SFSWAP: variants seen among roughly 807,000 people sequenced by gnomAD.
SFSWAP encodes the protein splicing factor, suppressor of white-apricot homolog.
SFSWAP carries 17 observed loss-of-function variants against 100.7 expected under a neutral mutation model. That is an observed-to-expected ratio of 0.17 (90% CI 0.12 to 0.25). SFSWAP has a LOEUF of 0.25. Among genes scored for constraint, SFSWAP ranks in the 10% least tolerant of loss-of-function variants. The probability of loss-of-function intolerance (pLI) is 1.00; values close to 1 mark genes in which losing one functional copy is unlikely to be tolerated. For missense variants in SFSWAP, 1,005 were observed against 1,262.6 expected (o/e 0.80, Z 3.09); for synonymous variants, 504 against 510.1 (o/e 0.99, Z 0.16).
At chr12:131,765,012 G>A (rs1054912615) in intron 12 of SFSWAP, among the ~76,000 whole-genome samples, 3 of 152,334 alleles carry the variant, frequency 2.0e-5, no homozygotes, top group East Asian at 3.9e-4. Flanking sequence ...AGGGTAAAAG[G>A]CTCAGCCTGT....
rs553679881 is a variant in SFSWAP, at chr12:131,732,083, T to C, written c.1081+3655T>C. ...CGTCACCACGCCTGGCTAATTTTTGTATTTTTAGTAGAGACGGGGTTTCAC... is the reference window on the plus strand; with the variant it reads ...CGTCACCACGCCTGGCTAATTTTTGCATTTTTAGTAGAGACGGGGTTTCAC... On this transcript the variant is annotated intron_variant, in intron 7 of 17. Transcript: ENST00000261674. Among the ~76,000 whole-genome samples the C allele has an allele frequency of 1.6e-4, 25 of 152,056 alleles. 1 individual carries two copies. The East Asian group carries it at 4.5e-3, about 27-fold the overall frequency.
chr12:131,760,713 A>G (rs1157744935), intron 11 of SFSWAP, among the ~76,000 whole-genome samples: 1 of 152,222 alleles, frequency 6.6e-6, no homozygotes, highest in African/African-American at 2.4e-5. Context: ...TGACATGTCC[A>G]TACTACTTAT....
chr12:131,731,192 G>T (rs963067628), intron 7 of SFSWAP, among the ~76,000 whole-genome samples: 2 of 152,178 alleles, frequency 1.3e-5, no homozygotes, highest in African/African-American at 4.8e-5. Flanking sequence ...GTACTCAGGC[G>T]CTCAGCCTTA....
At chr12:131,759,154 T>C (rs1232324560) in intron 11 of SFSWAP, among the ~76,000 whole-genome samples, 8 of 152,222 alleles carry the variant, frequency 5.3e-5, no homozygotes, top group African/African-American at 1.9e-4. Flanking sequence ...TGAGAACATA[T>C]ATTATTTTAA....
intron 13 of SFSWAP, among the ~76,000 whole-genome samples, 200 bp from the exon 14 acceptor site, chr12:131,777,865 G>A (rs1197436687): frequency 1.3e-5 from 2 of 152,114 alleles, no homozygotes; most frequent in Non-Finnish European, 1.5e-5. Context: ...GGAAATGCTC[G>A]GGAACCAGAG....
rs1282887621 is a variant in SFSWAP at position 131,714,881 on chromosome 12, G to A, written c.448G>A (p.Gly150Arg). Residue 150 changes from glycine (G) to arginine (R), a missense_variant, in exon 3 of 18, where the codon GGG becomes AGG. Around this residue, in one of 7 missense-constraint regions of SFSWAP, gnomAD observed 237 missense variants for 337.0 expected, o/e 0.70. Transcript: ENST00000261674. The surrounding 1 kb of genome is among the most constrained non-coding windows in gnomAD (Gnocchi z 6.0). The stretch of plus-strand genomic sequence containing the variant: ...AGAGGATGGGAGCTACAATGCCGTG[G>A]GGTTCACTTACGGTAGCGACTATTA... ...LAEDGSYNAV[G>R]FTYGSDYYDP... The A allele has an allele frequency of 6.2e-7, 1 of 1,614,096 alleles. No homozygotes were observed. The highest frequency in any genetic ancestry group is 8.5e-7 in the Non-Finnish European group (1 of 1,179,960).
intron 13 of SFSWAP, 109 bp downstream of exon 13, chr12:131,766,417 A>G: frequency 1.1e-6 from 1 of 950,356 alleles, no homozygotes; most frequent in South Asian, 1.5e-5. Flanking sequence ...GAGGGATATG[A>G]GCTCCCAGCT....
At chr12:131,769,977 G>A (rs1305099976) in intron 13 of SFSWAP, among the ~76,000 whole-genome samples, 1 of 152,170 alleles carries the variant, frequency 6.6e-6, no homozygotes, top group Non-Finnish European at 1.5e-5. Context: ...ATATGTGTGT[G>A]TCTGTGTATG....
chr12:131,794,762 G>A lies in SFSWAP; in HGVS notation c.2535-2416G>A, dbSNP rs772152170. 6.6e-6 allele frequency among the ~76,000 whole-genome samples: 1 copy of A among 152,208 alleles called. No individual in the cohort carries two copies. ...GTGTCAGGGTGTGCGCACTTGCCAA[G>A]CTCAGCGGCAGCACCGAGGACAGCG... On this transcript the variant is annotated intron_variant, in intron 15 of 17. Transcript: ENST00000261674. The surrounding 1 kb of genome is among the most constrained non-coding windows in gnomAD (Gnocchi z 4.8).
At chr12:131,757,041 A>G in intron 11 of SFSWAP, 1 of 165,562 alleles carries the variant, frequency 6.0e-6, no homozygotes, top group East Asian at 1.8e-4. Context: ...TACTTCACTC[A>G]CTCGATTTCA....
intron 4 of SFSWAP, among the ~76,000 whole-genome samples, chr12:131,723,938 T>G (rs931390602): frequency 6.6e-6 from 1 of 152,266 alleles, no homozygotes; most frequent in South Asian, 2.1e-4. Flanking sequence ...CATATTTATA[T>G]GTTGACTGTA....
At chr12:131,798,068 C>T (rs1211430858) in intron 16 of SFSWAP, among the ~76,000 whole-genome samples, 1 of 152,178 alleles carries the variant, frequency 6.6e-6, no homozygotes, top group African/African-American at 2.4e-5. Flanking sequence ...AGGCTGGGCG[C>T]CGTGGCTCAT....
At chr12:131,737,989 A>G (rs1295192833) in intron 7 of SFSWAP, among the ~76,000 whole-genome samples, 2 of 152,164 alleles carry the variant, frequency 1.3e-5, no homozygotes, top group Non-Finnish European at 1.5e-5. Flanking sequence ...AAGAGTATAA[A>G]TAAATAAAAG....
chr12:131,718,445 T>G (rs1878137502), intron 3 of SFSWAP, among the ~76,000 whole-genome samples: 1 of 152,210 alleles, frequency 6.6e-6, no homozygotes, highest in African/African-American at 2.4e-5. Context: ...TTTAAACTGG[T>G]AATCATCTGA....
chr12:131,714,991 A>G lies in SFSWAP; in HGVS notation c.520+38A>G, dbSNP rs368006004. The G allele has an allele frequency of 3.0e-5, 48 of 1,611,340 alleles. No homozygotes were observed. The highest frequency in any genetic ancestry group is 3.8e-5 in the Non-Finnish European group (45 of 1,178,694). On this transcript the variant is annotated intron_variant, in intron 3 of 17. Transcript: ENST00000261674. This position sits in a 1 kb window ranked among gnomAD's most constrained non-coding sequence, Gnocchi z 6.0. ...CTGCCTGGACTGCTGGTGTAGGGCTACACGTGTACGCACAGGCTGCATGCA... is the reference window on the plus strand; with the variant it reads ...CTGCCTGGACTGCTGGTGTAGGGCTGCACGTGTACGCACAGGCTGCATGCA...
At chr12:131,767,019 T>C (rs558556936) in intron 13 of SFSWAP, among the ~76,000 whole-genome samples, 129 of 137,894 alleles carry the variant, frequency 9.4e-4, no homozygotes, top group African/African-American at 3.4e-3. Flanking sequence ...CTCCCATGCG[T>C]GTCCGAGACC....
Position 131,797,351 on chromosome 12 carries a change from A to G in SFSWAP, c.2708A>G (p.Glu903Gly). ...GTGGAGAGTCGGGGCTCCAGCCAGG[A>G]GCGCTCCAGGTAACCCCTGTCCTCC... is the stretch of plus-strand genomic sequence containing the variant. Reference protein sequence around the residue: ...SPVESRGSSQERSRGVSQEKE... With the variant: ...SPVESRGSSQGRSRGVSQEKE... The change falls in exon 16 of 18, where the codon GAG becomes GGG. Residue 903 changes from glutamate to glycine, a missense_variant. Transcript: ENST00000261674. 6.2e-7 allele frequency: 1 copy of G among 1,607,650 alleles called. No individual in the cohort carries two copies.
chr12:131,756,495 C>T lies in SFSWAP; in HGVS notation c.1571C>T (p.Ala524Val). 6.2e-7 allele frequency: 1 copy of T among 1,614,020 alleles called. No homozygotes were observed. The highest frequency in any genetic ancestry group is 8.5e-7 in the Non-Finnish European group (1 of 1,180,000). The stretch of plus-strand genomic sequence containing the variant: ...TAGGCTGTGTCTGCACCAGAAGAGG[C>T]TCCCACAGACTCTGCTCCCGAGAAG... The part of the protein sequence containing the change: ...SMQAVSAPEE[A>V]PTDSAPEKPS... The change falls in exon 11 of 18, where the codon GCT becomes GTT. Residue 524 changes from alanine to valine, a missense_variant. This residue lies in a region of SFSWAP where 311 missense variants were observed against 317.8 expected (regional missense o/e 0.98). Transcript: ENST00000261674.
chr12:131,754,650 T>G, intron 9 of SFSWAP, 151 bp downstream of exon 9: 1 of 450,304 alleles, frequency 2.2e-6, no homozygotes, highest in Non-Finnish European at 3.5e-6. Context: ...TTTTTTTTTT[T>G]TGAGATGGAG....
Sources: gnomAD v4.1 joint callset for allele counts (sites outside exome capture counted in the v4.1 genomes callset) on GRCh38, gnomAD v4.1.1 for gene constraint, gnomAD v4.1.1 regional missense constraint, Gnocchi (gnomAD v3.1) non-coding constraint, MANE v1.5 for transcripts, NCBI Gene and HGNC (gene_info 2026-07-23, HGNC 2026-07-21) for gene names.